Variants in KIAA1549 observed in about 807,000 individuals in gnomAD.
KIAA1549 encodes KIAA1549, also known as UPF0606 protein KIAA1549.
In KIAA1549, 70 loss-of-function variants were observed where a neutral mutation model predicts 156.4. That is an observed-to-expected ratio of 0.45 (90% CI 0.37 to 0.55). KIAA1549 has a LOEUF of 0.55. Ranked by LOEUF, KIAA1549 falls within the 20% of genes least tolerant of loss-of-function variation. The pLI is 0.00. For synonymous variants in KIAA1549, 1,103 were observed against 1,066.4 expected (o/e 1.03, Z -0.67); for missense variants, 2,428 against 2,540.9 (o/e 0.96, Z 0.96).
In KIAA1549 at chr7:138,855,850, T is replaced by G. The variant is rs75969012; in HGVS notation, c.5248-3581A>C. On this transcript the variant is annotated intron_variant, in intron 16 of 19. Coordinates refer to ENST00000422774, the MANE Select transcript of KIAA1549 (RefSeq NM_001164665.2). ...ACCTCCTGCCCTGCCACATTTCTTC[T>G]GTTATTCTCAATGGATGATGACTCT... Among the ~76,000 whole-genome samples, 70 of 148,976 alleles carry G rather than the reference T, an allele frequency of 4.7e-4. 1 individual carries two copies. The East Asian group carries it at 0.013, about 28-fold the overall frequency.
rs1814542375 is a variant in KIAA1549, at chr7:138,981,220, G to C, written c.50C>G (p.Pro17Arg). Reference protein sequence around the residue: ...RRRGAAMEGKPRAGVALAPGP... With the variant: ...RRRGAAMEGKRRAGVALAPGP... The stretch of plus-strand genomic sequence containing the variant: ...CGGGGCCAGCGCGACCCCGGCGCGG[G>C]GCTTCCCCTCCATGGCCGCGCCTCG... The change falls in exon 1 of 20, where the codon CCC (proline) becomes CGC (arginine). Residue 17 changes from proline to arginine, a missense_variant. Transcript: ENST00000422774. This position sits in a 1 kb window ranked among gnomAD's most constrained non-coding sequence, Gnocchi z 4.5. The C allele has an allele frequency of 9.9e-7, 1 of 1,007,920 alleles. No individual in the cohort carries two copies. Among genetic ancestry groups the C allele is most frequent in the Non-Finnish European group, 1.2e-6 (1 of 846,532 alleles). 62.4% of individuals were successfully genotyped at this position (1,007,920 alleles called of 1,614,324 possible). A position where few individuals can be genotyped will look rare whatever the true frequency, so the allele number is the denominator to read the frequency against.
At chr7:138,943,590 C>T (rs1813248271) in intron 1 of KIAA1549, among the ~76,000 whole-genome samples, 1 of 152,300 alleles carries the variant, frequency 6.6e-6, no homozygotes, top group East Asian at 1.9e-4. Context: ...TGGCTCACGC[C>T]TGTAATCCCA....
chr7:138,928,059 T>C (rs1450530798), intron 1 of KIAA1549, among the ~76,000 whole-genome samples: 2 of 151,508 alleles, frequency 1.3e-5, no homozygotes, highest in Non-Finnish European at 2.9e-5. Flanking sequence ...TAGCTGGGAC[T>C]ACAGGTGCCC....
In KIAA1549 at chr7:138,869,486, C is replaced by T. The variant is rs548415255; in HGVS notation, c.4775+52G>A. The T allele has an allele frequency of 2.8e-5, 40 of 1,417,014 alleles. No individual in the cohort carries two copies. The East Asian group carries it at 7.0e-4, about 25-fold the overall frequency. 87.8% of individuals were successfully genotyped at this position (1,417,014 alleles called of 1,614,324 possible). A position where few individuals can be genotyped will look rare whatever the true frequency, so the allele number is the denominator to read the frequency against. ...GCTCCTGTCCTGCTCCTGTGCCCCC[C>T]GCAGCACCTCTGCGCGCCCGCCCCA... On this transcript the variant is annotated intron_variant, in intron 14 of 19. Coordinates refer to ENST00000422774, the MANE Select transcript of KIAA1549 (RefSeq NM_001164665.2).
At chr7:138,942,709 G>T (rs1440013316) in intron 1 of KIAA1549, among the ~76,000 whole-genome samples, 1 of 152,084 alleles carries the variant, frequency 6.6e-6, no homozygotes, top group African/African-American at 2.4e-5. Flanking sequence ...AGGAGATCGA[G>T]ACCATCCTGG....
intron 1 of KIAA1549, among the ~76,000 whole-genome samples, chr7:138,932,945 G>A (rs973120147): frequency 8.5e-5 from 13 of 152,200 alleles, no homozygotes; most frequent in African/African-American, 3.1e-4. Context: ...ACGTGAAGAG[G>A]AGAAGCCAGG....
chr7:138,881,075 T>TC (rs1363874778), intron 11 of KIAA1549, among the ~76,000 whole-genome samples: 1 of 152,150 alleles, frequency 6.6e-6, no homozygotes, highest in Non-Finnish European at 1.5e-5. Flanking sequence ...CCTAGCATGC[T>TC]CCCCTCAGGA....
At chr7:138,881,653 T>C in intron 10 of KIAA1549, 69 bp from the exon 11 acceptor site, 1 of 1,392,544 alleles carries the variant, frequency 7.2e-7, no homozygotes, top group East Asian at 2.4e-5. Context: ...GAGCACAACT[T>C]CTGACCCAAG....
intron 1 of KIAA1549, among the ~76,000 whole-genome samples, chr7:138,962,402 C>T (rs571941509): frequency 2.6e-5 from 4 of 152,270 alleles, no homozygotes; most frequent in South Asian, 2.1e-4. Context: ...AGTGGGTAGC[C>T]CTATTTCCTC....
chr7:138,904,601 T>G (rs572171336), intron 7 of KIAA1549, among the ~76,000 whole-genome samples: 1 of 132,876 alleles, frequency 7.5e-6, no homozygotes, highest in South Asian at 2.5e-4. Context: ...CCTCTAAATA[T>G]CTGACCCACT....
At chr7:138,899,199 C>T (rs745848383) in intron 8 of KIAA1549, 67 bp from the exon 9 acceptor site, 4 of 1,442,744 alleles carry the variant, frequency 2.8e-6, no homozygotes, top group Non-Finnish European at 3.9e-6. Flanking sequence ...TCTCAGGTTG[C>T]TGAATCCTGG....
At chr7:138,846,469 G>A (rs904743405) in intron 17 of KIAA1549, among the ~76,000 whole-genome samples, 2 of 148,674 alleles carry the variant, frequency 1.3e-5, no homozygotes, top group African/African-American at 2.5e-5. Flanking sequence ...GGGAGGTGGA[G>A]GTTGCGGTGA....
chr7:138,842,317 G>A (rs953148301), intron 18 of KIAA1549, among the ~76,000 whole-genome samples: 3 of 152,178 alleles, frequency 2.0e-5, no homozygotes, highest in South Asian at 4.1e-4. Flanking sequence ...CTCAGCCATC[G>A]ACAAGCCATG....
chr7:138,871,285 G>A lies in KIAA1549; in HGVS notation c.4423C>T (p.Pro1475Ser), dbSNP rs1810928313. Residue 1475 changes from proline to serine, a missense_variant, in exon 13 of 20, where the codon CCC becomes TCC. Pro to Ser is a moderately conservative substitution (Grantham distance 74, BLOSUM62 -1). This residue lies in a region of KIAA1549 where 404 missense variants were observed against 417.0 expected (regional missense o/e 0.97). Transcript: ENST00000422774. ...GGGACCCGCCGGCTAGCCTCCGGGG[G>A]GCGGGAGATCCTGTCCACGTGCTCG... ...IFEHVDRISR[P>S]PEASRRVPSK... is the part of the protein sequence containing the mutation. 2 of 1,610,286 alleles carry A rather than the reference G, an allele frequency of 1.2e-6. No individual in the cohort carries two copies. Among genetic ancestry groups the A allele is most frequent in the Non-Finnish European group, 1.7e-6 (2 of 1,178,154 alleles).
chr7:138,939,913 C>A (rs1192448533), intron 1 of KIAA1549, among the ~76,000 whole-genome samples: 1 of 152,128 alleles, frequency 6.6e-6, no homozygotes, highest in African/African-American at 2.4e-5. Flanking sequence ...CTGGCAGGCC[C>A]AAGCAGGAGG....
chr7:138,970,171 G>A (rs1229707222), intron 1 of KIAA1549, among the ~76,000 whole-genome samples: 2 of 152,018 alleles, frequency 1.3e-5, no homozygotes, highest in Non-Finnish European at 2.9e-5. Flanking sequence ...CCTCCCAGAC[G>A]ACAGTTTGTT....
Position 138,868,729 on chromosome 7 carries a change from G to A in KIAA1549, c.4776-601C>T, listed in dbSNP as rs1463822074. Among the ~76,000 whole-genome samples, 4 of 152,234 alleles carry A rather than the reference G, an allele frequency of 2.6e-5. No homozygotes were observed. In the East Asian group the frequency reaches 7.7e-4, roughly 29 times the overall value. On this transcript the variant is annotated intron_variant, in intron 14 of 19. Transcript: ENST00000422774. ...ATTATAGGCGTGAGCCACCACGCCTGGCCCAGAACTAGGTCTTGAAGAGTG... is the reference window on the plus strand; with the variant it reads ...ATTATAGGCGTGAGCCACCACGCCTAGCCCAGAACTAGGTCTTGAAGAGTG...
chr7:138,838,300 T>C (rs2130320055), intron 19 of KIAA1549, 140 bp from the exon 20 acceptor site: 1 of 846,372 alleles, frequency 1.2e-6, no homozygotes, highest in South Asian at 2.0e-5. Flanking sequence ...CTGCTGCCTA[T>C]GCTGCAGGTG....
At chr7:138,849,523 C>T in intron 17 of KIAA1549, among the ~76,000 whole-genome samples, 1 of 151,566 alleles carries the variant, frequency 6.6e-6, no homozygotes, top group Middle Eastern at 3.2e-3. Context: ...TACAAGAGTA[C>T]TAATTAATTT....
Sources: allele counts gnomAD v4.1 joint callset (sites outside exome capture counted in the v4.1 genomes callset), GRCh38; gene constraint gnomAD v4.1.1; regional missense constraint gnomAD v4.1.1; non-coding constraint Gnocchi (gnomAD v3.1); transcripts MANE v1.5; gene names NCBI Gene and HGNC (gene_info 2026-07-23, HGNC 2026-07-21).